The following BCL2 variants were observed in gnomAD, a reference collection of about 807,000 sequenced individuals.
BCL2 encodes apoptosis regulator Bcl-2.
BCL2 carries 1 observed loss-of-function variant against 14.2 expected under a neutral mutation model. That is an observed-to-expected ratio of 0.07 (90% CI 0.02 to 0.33). The LOEUF (loss-of-function observed/expected upper bound fraction) is 0.33. BCL2 is among the 10% of genes least tolerant of loss of function. BCL2 has a pLI of 0.99. For missense variants in BCL2, 247 were observed against 305.9 expected (o/e 0.81, Z 1.44); for synonymous variants, 151 against 137.2 (o/e 1.10, Z -0.70).
intron 2 of BCL2, among the ~76,000 whole-genome samples, chr18:63,304,233 C>T (rs1329782343): frequency 6.6e-6 from 1 of 152,166 alleles, no homozygotes; most frequent in Non-Finnish European, 1.5e-5. Context: ...GAGTTCTTAA[C>T]CTGTCATGTT....
intron 2 of BCL2, among the ~76,000 whole-genome samples, chr18:63,277,865 G>A (rs1388733814): frequency 1.3e-5 from 2 of 152,186 alleles, no homozygotes; most frequent in Admixed American, 1.3e-4. Flanking sequence ...CTCTGTGTGA[G>A]ATACACTCTA....
At chr18:63,245,271 T>C (rs1911122369) in intron 2 of BCL2, among the ~76,000 whole-genome samples, 1 of 152,236 alleles carries the variant, frequency 6.6e-6, no homozygotes. Flanking sequence ...ACTCTCATAA[T>C]GTGGTCAGGG....
At chr18:63,185,854 G>C (rs1411329096) in intron 2 of BCL2, among the ~76,000 whole-genome samples, 3 of 152,198 alleles carry the variant, frequency 2.0e-5, no homozygotes. Flanking sequence ...TCTGGGTCCT[G>C]AGTTTGGAAT....
intron 2 of BCL2, among the ~76,000 whole-genome samples, chr18:63,264,791 T>A (rs1235484673): frequency 9.0e-6 from 1 of 111,216 alleles, no homozygotes; most frequent in East Asian, 2.7e-4. Flanking sequence ...AAGAGATTTG[T>A]GGCTCTTCCA....
At chr18:63,200,550 G>A (rs892189821) in intron 2 of BCL2, among the ~76,000 whole-genome samples, 2 of 152,170 alleles carry the variant, frequency 1.3e-5, no homozygotes, top group South Asian at 2.1e-4. Flanking sequence ...ACACTCCCGC[G>A]TATAAGACAG....
intron 2 of BCL2, among the ~76,000 whole-genome samples, chr18:63,181,807 C>G (rs1599229482): frequency 6.6e-6 from 1 of 152,312 alleles, no homozygotes; most frequent in East Asian, 1.9e-4. Flanking sequence ...ATCTGGAAAT[C>G]CACGGCTAGG....
chr18:63,150,268 C>T (rs923449952), intron 2 of BCL2, among the ~76,000 whole-genome samples: 4 of 146,582 alleles, frequency 2.7e-5, no homozygotes, highest in African/African-American at 5.0e-5. Context: ...AGCCTGAAAA[C>T]GAAAGAAAGA....
intron 2 of BCL2, among the ~76,000 whole-genome samples, chr18:63,264,139 C>T (rs886979386): frequency 1.3e-5 from 2 of 152,198 alleles, no homozygotes; most frequent in African/African-American, 2.4e-5. Flanking sequence ...TTTGAATCCG[C>T]GGACTGCACC....
At chr18:63,291,251 C>T (rs548280685) in intron 2 of BCL2, among the ~76,000 whole-genome samples, 1 of 152,318 alleles carries the variant, frequency 6.6e-6, no homozygotes, top group East Asian at 1.9e-4. Context: ...GCTTGAGGCG[C>T]ATATGATTGG....
At chr18:63,166,014 G>A (rs569186859) in intron 2 of BCL2, among the ~76,000 whole-genome samples, 1 of 152,170 alleles carries the variant, frequency 6.6e-6, no homozygotes, top group African/African-American at 2.4e-5. Flanking sequence ...GTTAAACAAG[G>A]GTCCTTCATC....
At chr18:63,164,201 C>T (rs1266614233) in intron 2 of BCL2, among the ~76,000 whole-genome samples, 2 of 152,206 alleles carry the variant, frequency 1.3e-5, no homozygotes, top group South Asian at 2.1e-4. Flanking sequence ...CTTCCATGCT[C>T]TGTAGAAATA....
intron 2 of BCL2, among the ~76,000 whole-genome samples, chr18:63,194,092 C>T (rs921436206): frequency 4.6e-5 from 7 of 152,200 alleles, no homozygotes; most frequent in East Asian, 3.9e-4. Flanking sequence ...TTTTATTTTT[C>T]GATACAGTTA....
chr18:63,204,405 C>G (rs984873609), intron 2 of BCL2, among the ~76,000 whole-genome samples: 27 of 152,214 alleles, frequency 1.8e-4, no homozygotes, highest in African/African-American at 6.5e-4. Flanking sequence ...CAACCCCTCT[C>G]TGTTTTTGTG....
At chr18:63,160,365 A>ACCGAG (rs1914890479) in intron 2 of BCL2, among the ~76,000 whole-genome samples, 1 of 152,200 alleles carries the variant, frequency 6.6e-6, no homozygotes, top group Non-Finnish European at 1.5e-5. Flanking sequence ...CGGCACTCAG[A>ACCGAG]TACGCAACTA....
intron 2 of BCL2, among the ~76,000 whole-genome samples, chr18:63,225,193 A>T (rs1910511814): frequency 6.6e-6 from 1 of 152,230 alleles, no homozygotes; most frequent in Non-Finnish European, 1.5e-5. Flanking sequence ...CTTCATTGTT[A>T]AAGGTTTAGC....
intron 2 of BCL2, among the ~76,000 whole-genome samples, chr18:63,193,257 A>G (rs548610855): frequency 4.3e-4 from 65 of 152,296 alleles, no homozygotes; most frequent in Non-Finnish European, 8.8e-4. Flanking sequence ...TAACAACTAC[A>G]TTTCAAATGA....
At chr18:63,270,662 G>T (rs1484569574) in intron 2 of BCL2, among the ~76,000 whole-genome samples, 1 of 152,174 alleles carries the variant, frequency 6.6e-6, no homozygotes, top group African/African-American at 2.4e-5. Context: ...ATAGGAGGAG[G>T]AGGAAAGAAA....
chr18:63,262,458 C>T (rs1263662943), intron 2 of BCL2, among the ~76,000 whole-genome samples: 1 of 152,176 alleles, frequency 6.6e-6, no homozygotes, highest in Non-Finnish European at 1.5e-5. Context: ...TGCTGGGTTG[C>T]TGACCAAATT....
intron 2 of BCL2, among the ~76,000 whole-genome samples, chr18:63,263,752 A>G (rs1911731265): frequency 6.6e-6 from 1 of 152,196 alleles, no homozygotes. Context: ...CAATGGGATC[A>G]ATGTCAAGTT....
Sources: gnomAD v4.1 joint callset for allele counts (sites outside exome capture counted in the v4.1 genomes callset) on GRCh38, gnomAD v4.1.1 for gene constraint, MANE v1.5 for transcripts, NCBI Gene and HGNC (gene_info 2026-07-23, HGNC 2026-07-21) for gene names.